The following CCDC60 variants were observed in gnomAD, a reference collection of about 807,000 sequenced individuals.
The protein encoded by CCDC60 is coiled-coil domain-containing protein 60.
Under a neutral mutation model 63.5 loss-of-function variants are expected in CCDC60, and 54 were observed. That is an observed-to-expected ratio of 0.85 (90% CI 0.68 to 1.07). The LOEUF is 1.07. Ranked by LOEUF, CCDC60 falls within the 50% of genes least tolerant of loss-of-function variation. The pLI is 0.00. For missense variants in CCDC60, 651 were observed against 684.3 expected (o/e 0.95, Z 0.54); for synonymous variants, 206 against 238.8 (o/e 0.86, Z 1.27).
chr12:119,462,158 G>A (rs1424493506), intron 2 of CCDC60, among the ~76,000 whole-genome samples: 1 of 152,182 alleles, frequency 6.6e-6, no homozygotes, highest in African/African-American at 2.4e-5. Context: ...AACAGTGACT[G>A]CCCTGTCTCT....
intron 1 of CCDC60, among the ~76,000 whole-genome samples, chr12:119,417,108 G>A (rs11835704): frequency 0.062 from 9,440 of 151,968 alleles, 655 homozygotes; most frequent in East Asian, 0.28. Context: ...CAACAAGAGC[G>A]AAACTCTGTC....
chr12:119,449,707 A>G (rs1192622392), intron 2 of CCDC60, among the ~76,000 whole-genome samples: 1 of 152,198 alleles, frequency 6.6e-6, no homozygotes, highest in African/African-American at 2.4e-5. Flanking sequence ...TAAGGAGCTC[A>G]GTCTAGTGGT....
intron 4 of CCDC60, among the ~76,000 whole-genome samples, chr12:119,480,932 TCATCATCACCAC>T (rs1242071407): frequency 6.9e-6 from 1 of 143,954 alleles, no homozygotes; most frequent in Non-Finnish European, 1.5e-5. Flanking sequence ...ATCATCACCA[TCATCATCACCAC>T]CATCATCACC....
chr12:119,377,588 A>G (rs1337393403), intron 1 of CCDC60, among the ~76,000 whole-genome samples: 1 of 152,242 alleles, frequency 6.6e-6, no homozygotes, highest in South Asian at 2.1e-4. Context: ...AACTAACTAA[A>G]TAGTTAATAA....
chr12:119,505,903 C>T (rs984380624), intron 7 of CCDC60, among the ~76,000 whole-genome samples: 1 of 152,192 alleles, frequency 6.6e-6, no homozygotes, highest in African/African-American at 2.4e-5. Context: ...AGAACATTAT[C>T]ATTTCAATGT....
rs1265249053 is a variant in CCDC60, at chr12:119,455,723, G to A, written c.171-16271G>A. Reference sequence around the variant, plus strand: ...AGTATGGACAACAGAGCAAGACTCTGTCTCTGAAAAAGAAAGAAAGAAGGA... The same window carrying A: ...AGTATGGACAACAGAGCAAGACTCTATCTCTGAAAAAGAAAGAAAGAAGGA... On this transcript the variant is annotated intron_variant, in intron 2 of 13. Coordinates refer to ENST00000327554, the MANE Select transcript of CCDC60 (RefSeq NM_178499.5). Among the ~76,000 whole-genome samples the A allele has an allele frequency of 2.0e-5, 3 of 146,644 alleles. No homozygotes were observed. The Admixed American group carries it at 2.1e-4, about 10-fold the overall frequency.
Position 119,426,361 on chromosome 12 carries a change from T to TG in CCDC60, c.91-2321dup, listed in dbSNP as rs199764000. On this transcript the variant is annotated intron_variant, in intron 1 of 13. Coordinates refer to ENST00000327554, the MANE Select transcript of CCDC60 (RefSeq NM_178499.5). ...CTTTTATTTTTATTTATTTTTGTTT[T>TG]GTTTTGTTTTTTTGAGAGAGGGTCT... Among the ~76,000 whole-genome samples, 921 of 150,186 alleles carry TG rather than the reference T, an allele frequency of 6.1e-3. 9 individuals are homozygous for TG. Among genetic ancestry groups the TG allele is most frequent in the African/African-American group, 0.02 (817 of 40,538 alleles).
At chr12:119,345,388 G>A (rs1182210175) in intron 1 of CCDC60, among the ~76,000 whole-genome samples, 2 of 152,090 alleles carry the variant, frequency 1.3e-5, no homozygotes, top group Non-Finnish European at 2.9e-5. Context: ...TATAATCCCA[G>A]CTACTCAGGA....
intron 1 of CCDC60, among the ~76,000 whole-genome samples, chr12:119,367,141 C>G (rs1412951126): frequency 6.6e-6 from 1 of 152,154 alleles, no homozygotes; most frequent in Admixed American, 6.5e-5. Context: ...CCTGAAAACA[C>G]GTATCATACT....
At chr12:119,374,448 T>C (rs1342865284) in intron 1 of CCDC60, among the ~76,000 whole-genome samples, 1 of 152,052 alleles carries the variant, frequency 6.6e-6, no homozygotes, top group Non-Finnish European at 1.5e-5. Context: ...AAGGAAACCT[T>C]ATAGAAATAA....
chr12:119,540,660 G>T lies in CCDC60; in HGVS notation c.1598G>T (p.Ser533Ile), dbSNP rs1953137185. The change falls in exon 14 of 14, where the codon AGC (serine) becomes ATC (isoleucine). Residue 533 changes from serine (S) to isoleucine (I), a missense_variant. By Grantham distance (142) the Ser-to-Ile change is moderately radical (BLOSUM62 -2). Coordinates refer to ENST00000327554, the MANE Select transcript of CCDC60 (RefSeq NM_178499.5). ...CATATGCCTCAAGAGGATTACATCA[G>T]CTGGCTGCAGAGCCGGATCAACATA... ...IIHMPQEDYI[S>I]WLQSRINIPI... The T allele has an allele frequency of 3.1e-6, 5 of 1,614,020 alleles. No individual in the cohort carries two copies. The highest frequency in any genetic ancestry group is 4.2e-6 in the Non-Finnish European group (5 of 1,179,992).
chr12:119,428,990 C>G, intron 2 of CCDC60: 1 of 423,848 alleles, frequency 2.4e-6, no homozygotes, highest in Non-Finnish European at 4.2e-6. Flanking sequence ...GCCTAGAATT[C>G]CCTCTGCTTT....
intron 1 of CCDC60, among the ~76,000 whole-genome samples, chr12:119,398,083 CGGGGGGAGGAAGGGGGCGGTGT>C (rs1382124763): frequency 1.2e-4 from 5 of 40,174 alleles, no homozygotes; most frequent in African/African-American, 4.4e-4. Context: ...GAAGGGGCCG[CGGGGGGAGGAAGGGGGCGGTGT>C]GGGGGGAGGA....
chr12:119,336,676 T>C (rs553744001), intron 1 of CCDC60, among the ~76,000 whole-genome samples: 1 of 152,292 alleles, frequency 6.6e-6, no homozygotes, highest in South Asian at 2.1e-4. Flanking sequence ...CTTGTGTCTA[T>C]GAATTTAGAA....
intron 1 of CCDC60, among the ~76,000 whole-genome samples, chr12:119,393,555 T>G (rs1956198200): frequency 6.6e-6 from 1 of 152,212 alleles, no homozygotes; most frequent in South Asian, 2.1e-4. Flanking sequence ...GTTTATATTT[T>G]TAAAATGTAG....
Position 119,472,143 on chromosome 12 carries a change from A to G in CCDC60, c.320A>G (p.His107Arg). 1.9e-6 allele frequency: 3 copies of G among 1,614,128 alleles called. No individual in the cohort carries two copies. The highest frequency in any genetic ancestry group is 2.2e-5 in the South Asian group (2 of 91,076). ...FQPAEKISEI[H>R]YGDTLLSTYD... ...CCAGCCGAAAAGATCTCAGAAATCC[A>G]CTATGGGGACACCTTATTGAGGTAA... The change falls in exon 3 of 14, where the codon CAC (histidine) becomes CGC (arginine). Residue 107 changes from histidine to arginine, a missense_variant. Transcript: ENST00000327554.
intron 4 of CCDC60, chr12:119,479,518 C>T (rs779931406): frequency 1.0e-4 from 28 of 279,112 alleles, no homozygotes; most frequent in Non-Finnish European, 1.5e-4. Context: ...AACATCTCAG[C>T]CTGTGCTCAG....
chr12:119,347,676 A>G (rs576076957), intron 1 of CCDC60, among the ~76,000 whole-genome samples: 5 of 152,336 alleles, frequency 3.3e-5, no homozygotes, highest in South Asian at 4.1e-4. Flanking sequence ...TTTTATTACT[A>G]TATTCCCAGT....
chr12:119,468,303 AT>A (rs1566025541), intron 2 of CCDC60, among the ~76,000 whole-genome samples: 2 of 152,072 alleles, frequency 1.3e-5, no homozygotes, highest in South Asian at 2.1e-4. Flanking sequence ...AAAAATAAAA[AT>A]TTTTTAAAAA....
Sources: gnomAD v4.1 joint callset for allele counts (sites outside exome capture counted in the v4.1 genomes callset) on GRCh38, gnomAD v4.1.1 for gene constraint, MANE v1.5 for transcripts, NCBI Gene and HGNC (gene_info 2026-07-23, HGNC 2026-07-21) for gene names.